The following KCNN3 variants were observed in gnomAD, a reference collection of about 807,000 sequenced individuals.
The protein encoded by KCNN3 is potassium calcium-activated channel subfamily N member 3.
A neutral mutation model predicts 62.9 loss-of-function variants in KCNN3; 16 were observed. The observed-to-expected ratio is 0.25, with a 90% CI of 0.17 to 0.39. KCNN3 has a LOEUF of 0.39. Ranked by LOEUF, KCNN3 falls within the 10% of genes least tolerant of loss-of-function variation. The probability of loss-of-function intolerance (pLI) is 1.00; values close to 1 mark genes in which losing one functional copy is unlikely to be tolerated. For missense variants in KCNN3, 599 were observed against 949.4 expected (o/e 0.63, Z 4.85); for synonymous variants, 370 against 389.2 (o/e 0.95, Z 0.58).
chr1:154,852,976 TATTTA>T (rs1652364752), intron 1 of KCNN3, among the ~76,000 whole-genome samples: 1 of 152,052 alleles, frequency 6.6e-6, no homozygotes, highest in African/African-American at 2.4e-5. Flanking sequence ...CCTGAGCACT[TATTTA>T]ATTTATTTAT....
chr1:154,854,524 G>A (rs747316700), intron 1 of KCNN3, among the ~76,000 whole-genome samples: 1 of 152,094 alleles, frequency 6.6e-6, no homozygotes, highest in Non-Finnish European at 1.5e-5. Flanking sequence ...TATCACCATC[G>A]AACATAATAT....
chr1:154,714,731 C>A lies in KCNN3; in HGVS notation c.1829+145G>T, dbSNP rs566838831. The A allele has an allele frequency of 1.4e-4, 151 of 1,115,282 alleles. No homozygotes were observed. The African/African-American group carries it at 2.1e-3, about 16-fold the overall frequency. The allele number at this position is 1,115,282 out of a possible 1,614,324, so 69.1% of individuals were successfully genotyped here. A position where few individuals can be genotyped will look rare whatever the true frequency, so the allele number is the denominator to read the frequency against. On this transcript the variant is annotated intron_variant, in intron 6 of 7. Transcript: ENST00000271915. ...CCCAATTCCTGGCATGTGGCTGGTG[C>A]AGTCAGTGAGTGATCAGACCCAGTT...
At chr1:154,788,353 A>G (rs1295474028) in intron 2 of KCNN3, among the ~76,000 whole-genome samples, 1 of 152,204 alleles carries the variant, frequency 6.6e-6, no homozygotes, top group Non-Finnish European at 1.5e-5. Context: ...AATGTTTGAA[A>G]AATGCTTCTC....
chr1:154,780,601 T>C (rs1649000873), intron 2 of KCNN3, among the ~76,000 whole-genome samples: 1 of 148,246 alleles, frequency 6.7e-6, no homozygotes, highest in Non-Finnish European at 1.5e-5. Context: ...ATATTTTATA[T>C]ATATATATAT....
intron 2 of KCNN3, among the ~76,000 whole-genome samples, chr1:154,821,882 G>C (rs943055024): frequency 2.0e-5 from 3 of 152,226 alleles, no homozygotes; most frequent in African/African-American, 7.2e-5. Context: ...CAACTTAACA[G>C]TTATTCGAAA....
intron 2 of KCNN3, among the ~76,000 whole-genome samples, chr1:154,778,116 T>C (rs1039729579): frequency 6.6e-6 from 1 of 152,224 alleles, no homozygotes; most frequent in African/African-American, 2.4e-5. Context: ...GAGGTGGCTC[T>C]AGGCCTAATC....
chr1:154,829,477 C>A (rs1651290227), intron 1 of KCNN3, among the ~76,000 whole-genome samples: 2 of 152,220 alleles, frequency 1.3e-5, no homozygotes. Context: ...AGCCCAGTCA[C>A]CTTCTTACAT....
chr1:154,839,603 CAG>C (rs1459662032), intron 1 of KCNN3, among the ~76,000 whole-genome samples: 2 of 152,144 alleles, frequency 1.3e-5, no homozygotes, highest in Non-Finnish European at 2.9e-5. Flanking sequence ...GGCCCAGGCA[CAG>C]AGAGTGCTCC....
chr1:154,763,250 G>A (rs984796108), intron 3 of KCNN3, among the ~76,000 whole-genome samples: 3 of 151,956 alleles, frequency 2.0e-5, no homozygotes, highest in Non-Finnish European at 4.4e-5. Context: ...TATAAATTAT[G>A]TTTTTCTGGT....
intron 3 of KCNN3, among the ~76,000 whole-genome samples, chr1:154,756,908 C>T (rs1203551849): frequency 6.6e-6 from 1 of 152,154 alleles, no homozygotes; most frequent in Non-Finnish European, 1.5e-5. Flanking sequence ...TGGTGAATAG[C>T]AGAGCTCCAC....
At chr1:154,720,117 A>G (rs1700316727) in intron 5 of KCNN3, among the ~76,000 whole-genome samples, 1 of 152,214 alleles carries the variant, frequency 6.6e-6, no homozygotes, top group Admixed American at 6.5e-5. Context: ...CTGAGTTCCA[A>G]GGAACTGACC....
chr1:154,857,987 C>T (rs188304314), intron 1 of KCNN3, among the ~76,000 whole-genome samples: 115 of 152,288 alleles, frequency 7.6e-4, no homozygotes, highest in Non-Finnish European at 1.4e-3. Flanking sequence ...TATATGATCC[C>T]GTCCACCCAC....
At chr1:154,807,372 TCCTCCTACCTGCC>T (rs1650218227) in intron 2 of KCNN3, among the ~76,000 whole-genome samples, 1 of 152,156 alleles carries the variant, frequency 6.6e-6, no homozygotes. Flanking sequence ...GCCACGCAGC[TCCTCCTACCTGCC>T]CCCGCACTTC....
chr1:154,803,421 G>A (rs1041399019), intron 2 of KCNN3, among the ~76,000 whole-genome samples: 1 of 152,176 alleles, frequency 6.6e-6, no homozygotes, highest in African/African-American at 2.4e-5. Flanking sequence ...CTGTCATTTG[G>A]GGATGATCTG....
chr1:154,821,066 C>T (rs1240570416), intron 2 of KCNN3, among the ~76,000 whole-genome samples: 1 of 152,234 alleles, frequency 6.6e-6, no homozygotes, highest in Non-Finnish European at 1.5e-5. Context: ...ATCCTCACAA[C>T]AGCTCAGCAG....
chr1:154,718,335 GA>G (rs1194977501), intron 5 of KCNN3, among the ~76,000 whole-genome samples: 1 of 152,318 alleles, frequency 6.6e-6, no homozygotes, highest in East Asian at 1.9e-4. Flanking sequence ...TCTACTTTAG[GA>G]AAGGCTCTAA....
intron 2 of KCNN3, among the ~76,000 whole-genome samples, chr1:154,775,929 T>C (rs1648770156): frequency 6.6e-6 from 1 of 152,246 alleles, no homozygotes; most frequent in Non-Finnish European, 1.5e-5. Flanking sequence ...ATCTGGTTAC[T>C]ATAGTAACTG....
chr1:154,830,318 G>A (rs1216977258), intron 1 of KCNN3, among the ~76,000 whole-genome samples: 3 of 152,354 alleles, frequency 2.0e-5, no homozygotes, highest in Non-Finnish European at 4.4e-5. Flanking sequence ...GTCCCTGGAT[G>A]AGGAAGAGGT....
chr1:154,755,547 G>GGA (rs1647619958), intron 3 of KCNN3, among the ~76,000 whole-genome samples: 2 of 97,130 alleles, frequency 2.1e-5, no homozygotes, highest in South Asian at 4.5e-4. Context: ...GGAAAGGAAG[G>GGA]AAGGAAGAAA....
Sources: allele counts gnomAD v4.1 joint callset (sites outside exome capture counted in the v4.1 genomes callset), GRCh38; gene constraint gnomAD v4.1.1; transcripts MANE v1.5; gene names NCBI Gene and HGNC (gene_info 2026-07-23, HGNC 2026-07-21).